NLRP2: variants seen among roughly 807,000 people sequenced by gnomAD.
The protein encoded by NLRP2 is NLR family pyrin domain containing 2.
A neutral mutation model predicts 97.2 loss-of-function variants in NLRP2; 107 were observed. The observed-to-expected ratio is 1.10, with a 90% confidence interval of 0.94 to 1.29. NLRP2 has a LOEUF of 1.29. Ranked by LOEUF, NLRP2 falls within the 50% of genes most tolerant of loss-of-function variation. The pLI is 0.00. For missense variants in NLRP2, 1,495 were observed against 1,330.3 expected (o/e 1.12, Z -1.93); for synonymous variants, 663 against 551.5 (o/e 1.20, Z -2.83).
chr19:54,970,326 A>G (rs750266557), intron 2 of NLRP2, 31 bp downstream of exon 2: 2 of 1,612,620 alleles, frequency 1.2e-6, no homozygotes, highest in Admixed American at 1.7e-5. Flanking sequence ...ACTGTGTCCT[A>G]GGAGGAAGCA....
chr19:54,976,782 T>C (rs8102561), intron 3 of NLRP2: 71,781 of 426,668 alleles, frequency 0.17, 8,207 homozygotes, highest in East Asian at 0.39. Context: ...GCTGCAGATA[T>C]TGTTATTAGG....
intron 5 of NLRP2, 104 bp downstream of exon 5, chr19:54,981,786 T>G: frequency 2.5e-6 from 2 of 808,494 alleles, no homozygotes; most frequent in Non-Finnish European, 4.4e-6. Flanking sequence ...TATTTATGTA[T>G]GTATGTATCG....
intron 12 of NLRP2, 72 bp downstream of exon 12, chr19:54,997,559 C>A: frequency 1.3e-6 from 2 of 1,482,844 alleles, no homozygotes; most frequent in Non-Finnish European, 9.4e-7. Flanking sequence ...ATGACATGGA[C>A]CTGCTGTAGG....
In NLRP2 at chr19:54,981,804, G is replaced by A. The variant is rs892582178; in HGVS notation, c.463+122G>A. ...TTATGTATGTATGTATCGAGACGGA[G>A]TTTTGCTCTTGTTGCCCAGGCTGGA... On this transcript the variant is annotated intron_variant, in intron 5 of 12. Transcript: ENST00000448584. 1.2e-5 allele frequency: 9 copies of A among 761,980 alleles called. No individual in the cohort carries two copies. In the East Asian group the frequency reaches 2.3e-4, roughly 20 times the overall value. 47.2% of individuals were successfully genotyped at this position (761,980 alleles called of 1,614,324 possible). A position where few individuals can be genotyped will look rare whatever the true frequency, so the allele number is the denominator to read the frequency against.
intron 2 of NLRP2, among the ~76,000 whole-genome samples, chr19:54,973,343 G>GAT (rs1329406359): frequency 1.4e-5 from 1 of 70,616 alleles, no homozygotes; most frequent in Non-Finnish European, 2.3e-5. Flanking sequence ...AATGGGTGAG[G>GAT]GTTTTTTTTT....
chr19:54,990,739 G>T lies in NLRP2; in HGVS notation c.2708+67G>T, dbSNP rs565109401. ...ACACGCCCCCCACCTCCGGGTTTGA[G>T]TAGGGTGGTTATGAGAACACTTAAT... On this transcript the variant is annotated intron_variant, in intron 10 of 12. Coordinates refer to ENST00000448584, the MANE Select transcript of NLRP2 (RefSeq NM_017852.5). The T allele has an allele frequency of 6.4e-4, 982 of 1,544,168 alleles. 12 individuals are homozygous for T. In the South Asian group the frequency reaches 6.8e-3, roughly 11 times the overall value.
chr19:54,982,428 T>C lies in NLRP2; in HGVS notation c.730T>C (p.Tyr244His), dbSNP rs764957561. The change falls in exon 6 of 13, where the codon TAC becomes CAC. Residue 244 changes from tyrosine (Y) to histidine (H), a missense_variant. By Grantham distance (83) the Tyr-to-His change is moderately conservative. Transcript: ENST00000448584. The part of the protein sequence containing the change: ...NLIHKFKYAF[Y>H]LSCRELSRLG... ...CATCCACAAATTCAAATATGCGTTC[T>C]ACCTCAGCTGCAGGGAGCTCAGCCG... 6.2e-7 allele frequency: 1 copy of C among 1,614,138 alleles called. No individual in the cohort carries two copies. Among genetic ancestry groups the C allele is most frequent in the Non-Finnish European group, 8.5e-7 (1 of 1,180,034 alleles).
In NLRP2 at chr19:54,985,164, A is replaced by T; in HGVS notation, c.2148A>T (p.Val716=). ...ATAGCTTTCTCAGTGCCTCCCTAGT[A>T]AGGATCCTGTGTGAACAAATAGCCT... The part of the protein sequence containing the change: ...INDSFLSASL[V]RILCEQIASD... The change falls in exon 7 of 13, where the codon GTA becomes GTT. Residue 716 remains valine, a synonymous_variant. Coordinates refer to ENST00000448584, the MANE Select transcript of NLRP2 (RefSeq NM_017852.5). The T allele has an allele frequency of 6.2e-7, 1 of 1,614,058 alleles. No homozygotes were observed. The highest frequency in any genetic ancestry group is 8.5e-7 in the Non-Finnish European group (1 of 1,179,982).
chr19:54,990,076 T>C lies in NLRP2; in HGVS notation c.2421T>C (p.Leu807=). The change falls in exon 9 of 13, where the codon CTT becomes CTC. Residue 807 remains leucine, a synonymous_variant. Transcript: ENST00000448584. ...AGTGGGCTGATCTCTCCTTGGCCCT[T>C]GAAGTCAACCAGTCCCTGACGTGCG... ...TQQWADLSLA[L]EVNQSLTCVN... is the part of the protein sequence containing the mutation. 4 of 1,614,144 alleles carry C rather than the reference T, an allele frequency of 2.5e-6. No homozygotes were observed. Among genetic ancestry groups the C allele is most frequent in the African/African-American group, 1.3e-5 (1 of 75,030 alleles).
chr19:54,977,612 T>C, intron 3 of NLRP2, 140 bp from the exon 4 acceptor site: 2 of 817,472 alleles, frequency 2.4e-6, no homozygotes, highest in East Asian at 4.9e-5. Flanking sequence ...ACTTTCACTT[T>C]TACATCCAGT....
chr19:54,998,631 C>CTTTT (rs1179005483), intron 12 of NLRP2, among the ~76,000 whole-genome samples: 13 of 61,126 alleles, frequency 2.1e-4, no homozygotes, highest in African/African-American at 3.0e-4. Context: ...TTTTTTTTTC[C>CTTTT]TTTTTTTTTT....
At position 54,983,302 on chromosome 19, in the gene NLRP2, T is replaced by C; in HGVS notation, c.1604T>C (p.Val535Ala). 1 of 1,614,142 alleles carries C rather than the reference T, an allele frequency of 6.2e-7. No homozygotes were observed. Among genetic ancestry groups the C allele is most frequent in the South Asian group, 1.1e-5 (1 of 91,084 alleles). The change falls in exon 6 of 13, where the codon GTA (valine) becomes GCA (alanine). Residue 535 changes from valine to alanine, a missense_variant. Physicochemically the swap from Val to Ala is moderately conservative, Grantham distance 64 (BLOSUM62 0). Transcript: ENST00000448584. ...GGCCACACCTGGGACATTGGGGACG[T>C]ACAGAAGCTGCTTTCCGGAGTAGAA... ...RDGHTWDIGD[V>A]QKLLSGVERL...
intron 11 of NLRP2, among the ~76,000 whole-genome samples, chr19:54,995,812 C>T (rs1228484498): frequency 6.6e-6 from 1 of 151,780 alleles, no homozygotes; most frequent in Admixed American, 6.6e-5. Context: ...GAGTCCAAGG[C>T]AGGTAGATTG....
chr19:54,977,737 G>T lies in NLRP2; in HGVS notation c.326-15G>T, dbSNP rs779775454. 2 of 1,613,432 alleles carry T rather than the reference G, an allele frequency of 1.2e-6. No homozygotes were observed. Among genetic ancestry groups the T allele is most frequent in the East Asian group, 4.5e-5 (2 of 44,870 alleles). ...AGCACAGCAACAGGCCTGTAATGCC[G>T]CCCTTTTTCTCCAGGGATAACACGG... On this transcript the variant is annotated splice_polypyrimidine_tract_variant and intron_variant, in intron 3 of 12. Transcript: ENST00000448584.
intron 3 of NLRP2, 59 bp from the exon 4 acceptor site, chr19:54,977,693 A>G (rs1317116667): frequency 1.3e-6 from 2 of 1,557,206 alleles, no homozygotes; most frequent in East Asian, 2.2e-5. Context: ...AACTTGAGCC[A>G]TCTTGGAGTC....
At chr19:54,968,005 A>G (rs889553752) in intron 1 of NLRP2, among the ~76,000 whole-genome samples, 1 of 143,544 alleles carries the variant, frequency 7.0e-6, no homozygotes, top group Admixed American at 7.4e-5. Context: ...TGCAACTTCC[A>G]CCTCCCAGGT....
chr19:54,980,941 C>G (rs2071529529), intron 4 of NLRP2, among the ~76,000 whole-genome samples: 1 of 152,174 alleles, frequency 6.6e-6, no homozygotes, highest in African/African-American at 2.4e-5. Context: ...GAAACCCCAT[C>G]TCTACTAAAA....
intron 11 of NLRP2, among the ~76,000 whole-genome samples, chr19:54,996,974 C>G (rs2072861954): frequency 6.6e-6 from 1 of 152,114 alleles, no homozygotes; most frequent in Non-Finnish European, 1.5e-5. Flanking sequence ...ATGGCGCGAT[C>G]TCGGCTCACT....
Position 54,975,106 on chromosome 19 carries a change from G to GTTTTTTTTTTTTTTTTTTTTTTTTTT in NLRP2, c.325+574_325+599dup, listed in dbSNP as rs558518586. On this transcript the variant is annotated intron_variant, in intron 3 of 12. Transcript: ENST00000448584. ...ATGAGCCACCACCACACCCGGTTTT[G>GTTTTTTTTTTTTTTTTTTTTTTTTTT]TTTTTTTTTTTTTTTTTTTTTTTTT... Among the ~76,000 whole-genome samples, 10 of 58,704 alleles carry GTTTTTTTTTTTTTTTTTTTTTTTTTT rather than the reference G, an allele frequency of 1.7e-4. 1 individual carries two copies. Among genetic ancestry groups the GTTTTTTTTTTTTTTTTTTTTTTTTTT allele is most frequent in the Non-Finnish European group, 2.4e-4 (7 of 28,944 alleles). The allele number at this position is 58,704 out of a possible 152,430, so 38.5% of individuals were successfully genotyped here. A position where few individuals can be genotyped will look rare whatever the true frequency, so the allele number is the denominator to read the frequency against.
Sources: allele counts gnomAD v4.1 joint callset (sites outside exome capture counted in the v4.1 genomes callset), GRCh38; gene constraint gnomAD v4.1.1; transcripts MANE v1.5; gene names NCBI Gene and HGNC (gene_info 2026-07-23, HGNC 2026-07-21).